GPHN: variants seen among roughly 807,000 people sequenced by gnomAD.
GPHN encodes gephyrin.
GPHN carries 17 observed loss-of-function variants against 95.5 expected under a neutral mutation model. The observed-to-expected ratio is 0.18, with a 90% CI of 0.12 to 0.27. The LOEUF (loss-of-function observed/expected upper bound fraction) is 0.27, where lower values mean the gene tolerates loss of function less well. Among genes scored for constraint, GPHN ranks in the 10% least tolerant of loss-of-function variants. The pLI is 1.00. For synonymous variants in GPHN, 320 were observed against 322.5 expected (o/e 0.99, Z 0.08); for missense variants, 660 against 978.1 (o/e 0.67, Z 4.34).
At chr14:66,805,880 A>G (rs990464811) in intron 3 of GPHN, among the ~76,000 whole-genome samples, 9 of 152,110 alleles carry the variant, frequency 5.9e-5, no homozygotes, top group Admixed American at 3.3e-4. Flanking sequence ...CATTGGATCT[A>G]TCATTCTGGG....
chr14:67,569,715 C>A, the GPHN span: 2 of 593,820 alleles, frequency 3.4e-6, no homozygotes, highest in South Asian at 4.1e-5. Context: ...CTTTTGGATT[C>A]TTTTGTGAGG....
chr14:66,811,109 G>T (rs961807720), intron 3 of GPHN, among the ~76,000 whole-genome samples: 2 of 152,126 alleles, frequency 1.3e-5, no homozygotes, highest in Non-Finnish European at 2.9e-5. Flanking sequence ...AAACATCCAT[G>T]TGTGGAAACA....
chr14:67,311,310 CAAA>C, the GPHN span, among the ~76,000 whole-genome samples: 7 of 63,946 alleles, frequency 1.1e-4, 1 homozygote, highest in South Asian at 1.9e-3. Context: ...GACTCCGTCT[CAAA>C]AAAAAAAAAA....
chr14:66,777,618 A>T (rs1161278818), intron 3 of GPHN, among the ~76,000 whole-genome samples: 1 of 152,190 alleles, frequency 6.6e-6, no homozygotes, highest in Admixed American at 6.5e-5. Context: ...CAAAAAGCTT[A>T]TCCACCACGA....
the GPHN span, among the ~76,000 whole-genome samples, chr14:67,670,045 T>A: frequency 1.3e-5 from 2 of 152,136 alleles, no homozygotes; most frequent in Non-Finnish European, 2.9e-5. Context: ...CAGTGAGCAG[T>A]GATGGTGCCA....
chr14:67,022,178 G>A (rs1181033596), intron 9 of GPHN, among the ~76,000 whole-genome samples: 1 of 152,040 alleles, frequency 6.6e-6, no homozygotes, highest in Non-Finnish European at 1.5e-5. Flanking sequence ...TTATTTTGCA[G>A]CAAGTTCATT....
At chr14:67,553,301 G>A in the GPHN span, among the ~76,000 whole-genome samples, 1 of 152,004 alleles carries the variant, frequency 6.6e-6, no homozygotes, top group East Asian at 1.9e-4. Context: ...GGGCCTTCCC[G>A]TTCAGTATTT....
At chr14:66,786,651 A>G (rs1325448167) in intron 3 of GPHN, among the ~76,000 whole-genome samples, 4 of 152,154 alleles carry the variant, frequency 2.6e-5, no homozygotes, top group Non-Finnish European at 5.9e-5. Context: ...TACATGCAAC[A>G]ATGTATAAAA....
chr14:67,676,370 G>C, the GPHN span, among the ~76,000 whole-genome samples: 4 of 152,154 alleles, frequency 2.6e-5, no homozygotes, highest in African/African-American at 9.7e-5. Context: ...AGTATACTGT[G>C]TAAGTCCCAC....
chr14:66,752,544 A>G (rs1469140932), intron 2 of GPHN, among the ~76,000 whole-genome samples: 2 of 152,092 alleles, frequency 1.3e-5, no homozygotes, highest in Admixed American at 6.6e-5. Flanking sequence ...CAGAACACAC[A>G]CATTTACTGA....
intron 1 of GPHN, among the ~76,000 whole-genome samples, chr14:66,514,476 A>C (rs1273400418): frequency 6.6e-6 from 1 of 151,856 alleles, no homozygotes; most frequent in Non-Finnish European, 1.5e-5. Flanking sequence ...TGAAGAAATC[A>C]CTCTCTAAGA....
the GPHN span, among the ~76,000 whole-genome samples, chr14:67,223,435 C>T: frequency 6.6e-6 from 1 of 152,214 alleles, no homozygotes; most frequent in Non-Finnish European, 1.5e-5. Context: ...AAGAGGAGGG[C>T]ATGATTCGCT....
chr14:67,392,741 C>T, the GPHN span: 2 of 1,614,050 alleles, frequency 1.2e-6, no homozygotes, highest in African/African-American at 2.7e-5. Flanking sequence ...GCTTCGGACA[C>T]CCACAGGCCT....
chr14:66,528,638 G>C, intron 1 of GPHN, among the ~76,000 whole-genome samples: 1 of 152,174 alleles, frequency 6.6e-6, no homozygotes, highest in East Asian at 1.9e-4. Flanking sequence ...TCCTTCAGGA[G>C]CTCTTGTAAG....
intron 2 of GPHN, among the ~76,000 whole-genome samples, chr14:66,771,895 T>C (rs538519494): frequency 5.2e-4 from 79 of 152,210 alleles, no homozygotes; most frequent in African/African-American, 1.7e-3. Context: ...TATCTATTGA[T>C]GAAAATGTTG....
At chr14:67,352,879 G>C in the GPHN span, 1 of 1,376,920 alleles carries the variant, frequency 7.3e-7, no homozygotes, top group Non-Finnish European at 1.0e-6. Flanking sequence ...GGCCATGCTG[G>C]ATTTTTCTAA....
At chr14:67,667,837 G>A in the GPHN span, among the ~76,000 whole-genome samples, 5 of 152,164 alleles carry the variant, frequency 3.3e-5, no homozygotes, top group South Asian at 2.1e-4. Flanking sequence ...CCAGCTACTC[G>A]GGAGGCTGAG....
At chr14:66,605,696 A>C (rs1335556671) in intron 1 of GPHN, among the ~76,000 whole-genome samples, 2 of 151,326 alleles carry the variant, frequency 1.3e-5, no homozygotes, top group Non-Finnish European at 2.9e-5. Flanking sequence ...AGCCCGGCTA[A>C]TTTTTTCTAT....
At chr14:66,745,561 T>C (rs960255592) in intron 2 of GPHN, among the ~76,000 whole-genome samples, 4 of 152,070 alleles carry the variant, frequency 2.6e-5, no homozygotes, top group African/African-American at 9.7e-5. Flanking sequence ...TAGTGATATG[T>C]CTTCACCATT....
Sources: gnomAD v4.1 joint callset for allele counts (sites outside exome capture counted in the v4.1 genomes callset) on GRCh38, gnomAD v4.1.1 for gene constraint, MANE v1.5 for transcripts, NCBI Gene and HGNC (gene_info 2026-07-23, HGNC 2026-07-21) for gene names.